The following ARHGAP18 variants were observed in gnomAD, a reference collection of about 807,000 sequenced individuals.
ARHGAP18 encodes rho GTPase-activating protein 18.
In ARHGAP18, 67 loss-of-function variants were observed where a neutral mutation model predicts 86.2. That is an observed-to-expected ratio of 0.78 (90% CI 0.64 to 0.95). The LOEUF (loss-of-function observed/expected upper bound fraction) is 0.95. ARHGAP18 is among the 40% of genes least tolerant of loss of function. ARHGAP18 has a pLI of 0.00. For missense variants in ARHGAP18, 691 were observed against 780.4 expected (o/e 0.89, Z 1.37); for synonymous variants, 283 against 280.4 (o/e 1.01, Z -0.09).
intron 2 of ARHGAP18, among the ~76,000 whole-genome samples, chr6:129,640,442 G>A (rs1773432388): frequency 6.6e-6 from 1 of 152,114 alleles, no homozygotes; most frequent in African/African-American, 2.4e-5. Context: ...CTTCCATCTT[G>A]AAACATGGAG....
intron 2 of ARHGAP18, among the ~76,000 whole-genome samples, chr6:129,639,271 G>A (rs529597556): frequency 1.3e-5 from 2 of 152,240 alleles, no homozygotes; most frequent in South Asian, 2.1e-4. Context: ...TCAAAACACT[G>A]AAAGCAGGAA....
chr6:129,604,828 C>T (rs1489916465), intron 10 of ARHGAP18, among the ~76,000 whole-genome samples: 8 of 152,156 alleles, frequency 5.3e-5, no homozygotes, highest in East Asian at 1.9e-4. Flanking sequence ...CTGTAGCGGA[C>T]GTAGCGTTTT....
intron 9 of ARHGAP18, among the ~76,000 whole-genome samples, chr6:129,607,217 T>C (rs899621546): frequency 6.6e-6 from 1 of 152,176 alleles, no homozygotes; most frequent in Non-Finnish European, 1.5e-5. Context: ...TTGAAGGCAG[T>C]GATGGCATTT....
At chr6:129,618,564 A>C in intron 6 of ARHGAP18, 123 bp downstream of exon 6, 2 of 856,938 alleles carry the variant, frequency 2.3e-6, no homozygotes, top group African/African-American at 3.4e-5. Flanking sequence ...TAAACTTTAG[A>C]TGTATTCAAG....
chr6:129,624,621 T>C (rs1789301779), intron 5 of ARHGAP18, among the ~76,000 whole-genome samples: 1 of 151,176 alleles, frequency 6.6e-6, no homozygotes, highest in African/African-American at 2.4e-5. Context: ...CTTTTACTTT[T>C]CCCATTAGGT....
chr6:129,671,180 C>G (rs952390271), intron 1 of ARHGAP18, among the ~76,000 whole-genome samples: 3 of 151,756 alleles, frequency 2.0e-5, no homozygotes, highest in Admixed American at 1.3e-4. Context: ...ATGCATATGC[C>G]CTTTATGATA....
In ARHGAP18 at chr6:129,666,216, A is replaced by G. The variant is rs144107518; in HGVS notation, c.114-24198T>C. Among the ~76,000 whole-genome samples, 641 of 152,286 alleles carry G rather than the reference A, an allele frequency of 4.2e-3. 7 individuals are homozygous for G. Among genetic ancestry groups the G allele is most frequent in the African/African-American group, 0.015 (608 of 41,552 alleles). ...ACCAGCAATGCCTGTAGCAATTGAC[A>G]CTGCCCTCTTTTTCTGTGGAAAAGA... On this transcript the variant is annotated intron_variant, in intron 1 of 14. Coordinates refer to ENST00000368149, the MANE Select transcript of ARHGAP18 (RefSeq NM_033515.3).
intron 2 of ARHGAP18, among the ~76,000 whole-genome samples, chr6:129,639,087 G>A (rs767145053): frequency 7.2e-5 from 11 of 152,200 alleles, no homozygotes; most frequent in Non-Finnish European, 1.3e-4. Context: ...CTGACAGGAA[G>A]TGCAGCAAAG....
At chr6:129,620,813 A>C (rs1789211819) in intron 5 of ARHGAP18, among the ~76,000 whole-genome samples, 1 of 152,212 alleles carries the variant, frequency 6.6e-6, no homozygotes, top group East Asian at 1.9e-4. Flanking sequence ...ATATCCTTCC[A>C]AAAAGTTCAG....
At chr6:129,687,882 C>A (rs1250289509) in intron 1 of ARHGAP18, among the ~76,000 whole-genome samples, 1 of 152,146 alleles carries the variant, frequency 6.6e-6, no homozygotes, top group Non-Finnish European at 1.5e-5. Flanking sequence ...TTGTAACTCA[C>A]CCACGGTCAG....
At chr6:129,640,042 C>CAAAAAAAAAAAA (rs374771260) in intron 2 of ARHGAP18, among the ~76,000 whole-genome samples, 10 of 72,854 alleles carry the variant, frequency 1.4e-4, no homozygotes, top group Non-Finnish European at 1.7e-4. Context: ...GAGACTGTCT[C>CAAAAAAAAAAAA]AAAAAAAAAA....
At position 129,577,247 on chromosome 6, in the gene ARHGAP18, C is replaced by T. The variant is rs1788195662; in HGVS notation, c.*1266G>A. 1 of 151,996 alleles carries T rather than the reference C, an allele frequency of 6.6e-6. No homozygotes were observed. Among genetic ancestry groups the T allele is most frequent in the Non-Finnish European group, 1.5e-5 (1 of 67,968 alleles). 9.4% of individuals were successfully genotyped at this position (151,996 alleles called of 1,614,324 possible). The stretch of plus-strand genomic sequence containing the variant: ...ATGACTGTTCTCATTAACAGCATTC[C>T]CCCCCTTCATTAGAGACATCAAGAG... On this transcript the variant is annotated 3_prime_UTR_variant, in exon 15 of 15. Transcript: ENST00000368149.
intron 1 of ARHGAP18, among the ~76,000 whole-genome samples, chr6:129,655,047 G>A (rs2114512933): frequency 6.6e-6 from 1 of 152,228 alleles, no homozygotes; most frequent in Non-Finnish European, 1.5e-5. Context: ...TCGGCCGGGT[G>A]CGGTGGCTCA....
chr6:129,641,934 G>A lies in ARHGAP18; in HGVS notation c.198C>T (p.Ser66=). 6.2e-7 allele frequency: 1 copy of A among 1,613,876 alleles called. No individual in the cohort carries two copies. Among genetic ancestry groups the A allele is most frequent in the Non-Finnish European group, 8.5e-7 (1 of 1,179,916 alleles). Residue 66 remains serine (S), a synonymous_variant, in exon 2 of 15, where the codon TCC becomes TCT. Coordinates refer to ENST00000368149, the MANE Select transcript of ARHGAP18 (RefSeq NM_033515.3). ...TAGATAGTTCATCCAAAGAATCCTG[G>A]GAAATTGATCGATCAAATGGAGGCT... is the stretch of plus-strand genomic sequence containing the variant. ...MEKPPFDRSI[S]QDSLDELSME...
intron 5 of ARHGAP18, among the ~76,000 whole-genome samples, chr6:129,621,489 A>C (rs1789228654): frequency 6.6e-6 from 1 of 152,186 alleles, no homozygotes; most frequent in Non-Finnish European, 1.5e-5. Flanking sequence ...CACAGGGCTC[A>C]AGAGAGTGGA....
chr6:129,703,203 C>T (rs948179381), intron 1 of ARHGAP18, among the ~76,000 whole-genome samples: 1 of 152,150 alleles, frequency 6.6e-6, no homozygotes, highest in Non-Finnish European at 1.5e-5. Flanking sequence ...AAGAGTGAAA[C>T]AGATAATTTG....
At position 129,595,552 on chromosome 6, in the gene ARHGAP18, C is replaced by T. The variant is rs914615493; in HGVS notation, c.1713+3664G>A. The stretch of plus-strand genomic sequence containing the variant: ...AGAACTCTACCAATTTATATACTCC[C>T]ATCAACAAGGAAATTACCTACCATC... On this transcript the variant is annotated intron_variant, in intron 12 of 14. Transcript: ENST00000368149. 5.9e-5 allele frequency among the ~76,000 whole-genome samples: 9 copies of T among 152,158 alleles called. No individual in the cohort carries two copies. In the South Asian group the frequency reaches 1.9e-3, roughly 32 times the overall value.
At chr6:129,602,484 A>C (rs1432412862) in intron 10 of ARHGAP18, among the ~76,000 whole-genome samples, 1 of 146,496 alleles carries the variant, frequency 6.8e-6, no homozygotes, top group African/African-American at 2.5e-5. Flanking sequence ...CTATCTTCCA[A>C]AGAATTTCTG....
intron 1 of ARHGAP18, among the ~76,000 whole-genome samples, chr6:129,658,086 A>C (rs1293377388): frequency 6.6e-6 from 1 of 152,216 alleles, no homozygotes; most frequent in African/African-American, 2.4e-5. Flanking sequence ...AGAAGGTGGC[A>C]TATCTTCAGG....
Sources: allele counts gnomAD v4.1 joint callset (sites outside exome capture counted in the v4.1 genomes callset), GRCh38; gene constraint gnomAD v4.1.1; transcripts MANE v1.5; gene names NCBI Gene and HGNC (gene_info 2026-07-23, HGNC 2026-07-21).